The following ANO2 variants were observed in gnomAD, a reference collection of about 807,000 sequenced individuals.
The protein encoded by ANO2 is anoctamin-2.
ANO2 carries 101 observed loss-of-function variants against 124.2 expected under a neutral mutation model. The observed-to-expected ratio is 0.81, with a 90% confidence interval of 0.69 to 0.96. The LOEUF (loss-of-function observed/expected upper bound fraction) is 0.96. Among genes scored for constraint, ANO2 ranks in the 40% least tolerant of loss-of-function variants. The probability of loss-of-function intolerance (pLI) is 0.00; values close to 1 mark genes in which losing one functional copy is unlikely to be tolerated. For missense variants in ANO2, 1,293 were observed against 1,274.5 expected (o/e 1.01, Z -0.22); for synonymous variants, 486 against 482.5 (o/e 1.01, Z -0.09).
In ANO2 at chr12:5,647,741, A is replaced by T. The variant is rs1279171249; in HGVS notation, c.1606T>A (p.Ser536Thr). 6.2e-7 allele frequency: 1 copy of T among 1,609,916 alleles called. No homozygotes were observed. The highest frequency in any genetic ancestry group is 2.2e-5 in the East Asian group (1 of 44,792). Residue 536 changes from serine (S) to threonine (T), a missense_variant, in exon 15 of 25, where the codon TCC (serine) becomes ACC (threonine). Transcript: ENST00000682330. ...RFPGYLMNFA[S>T]ILFMIALTFS... is the part of the protein sequence containing the mutation. ...AAGGAAATTACCATGAATAAGATGGAGGCAAAGTTCATCAGGTAACCTGGG... is the reference window on the plus strand; with the variant it reads ...AAGGAAATTACCATGAATAAGATGGTGGCAAAGTTCATCAGGTAACCTGGG...
At chr12:5,585,327 C>G (rs544212133) in intron 20 of ANO2, among the ~76,000 whole-genome samples, 2 of 152,224 alleles carry the variant, frequency 1.3e-5, no homozygotes, top group South Asian at 2.1e-4. Context: ...CACAATGGAT[C>G]GGGCCTGATT....
intron 3 of ANO2, among the ~76,000 whole-genome samples, chr12:5,910,239 GC>G (rs2136291220): frequency 6.6e-6 from 1 of 152,328 alleles, no homozygotes; most frequent in Non-Finnish European, 1.5e-5. Context: ...GAGTGCAGTG[GC>G]ACAATCTCGG....
chr12:5,790,576 A>G (rs1365126519), intron 10 of ANO2, among the ~76,000 whole-genome samples: 1 of 151,820 alleles, frequency 6.6e-6, no homozygotes, highest in African/African-American at 2.4e-5. Flanking sequence ...CTATGTCGTA[A>G]GTCTCATTTT....
intron 8 of ANO2, among the ~76,000 whole-genome samples, 167 bp downstream of exon 8, chr12:5,807,146 G>C (rs1953222278): frequency 6.6e-6 from 1 of 152,102 alleles, no homozygotes; most frequent in South Asian, 2.1e-4. Context: ...ATCAAACTGG[G>C]GATTATTGTC....
At chr12:5,907,246 C>T (rs551924589) in intron 3 of ANO2, among the ~76,000 whole-genome samples, 1 of 152,266 alleles carries the variant, frequency 6.6e-6, no homozygotes, top group African/African-American at 2.4e-5. Flanking sequence ...ATTGGTTCTC[C>T]ATTTCTGATA....
intron 4 of ANO2, among the ~76,000 whole-genome samples, chr12:5,848,678 G>A (rs929546230): frequency 3.9e-5 from 6 of 152,286 alleles, no homozygotes; most frequent in East Asian, 1.9e-4. Context: ...CCAAGGACCC[G>A]CGCTCTAGGA....
chr12:5,567,607 C>T lies in ANO2; in HGVS notation c.2622-1944G>A, dbSNP rs138854205. Among the ~76,000 whole-genome samples the T allele has an allele frequency of 3.0e-3, 460 of 152,346 alleles. 2 individuals carry two copies. Among genetic ancestry groups the T allele is most frequent in the African/African-American group, 0.011 (444 of 41,584 alleles). ...CTCTTGTTCTCTAGCTGCATCTCTGCAGGAACAGCTGCTCACTGACCTCAG... is the reference window on the plus strand; with the variant it reads ...CTCTTGTTCTCTAGCTGCATCTCTGTAGGAACAGCTGCTCACTGACCTCAG... On this transcript the variant is annotated intron_variant, in intron 23 of 24. Transcript: ENST00000682330.
chr12:5,816,138 T>TTC (rs1224823657), intron 7 of ANO2, among the ~76,000 whole-genome samples: 20 of 144,776 alleles, frequency 1.4e-4, no homozygotes, highest in African/African-American at 1.8e-4. Context: ...TGTTCTCCCT[T>TTC]TCTCTCTCTC....
intron 11 of ANO2, among the ~76,000 whole-genome samples, chr12:5,748,468 T>A (rs924485106): frequency 2.0e-5 from 3 of 152,150 alleles, no homozygotes; most frequent in African/African-American, 7.2e-5. Flanking sequence ...CTCTGCTTAT[T>A]AGAAAAAGCA....
At position 5,837,536 on chromosome 12, in the gene ANO2, T is replaced by TC. The variant is rs1230519764; in HGVS notation, c.634-4934_634-4933insG. Among the ~76,000 whole-genome samples the TC allele has an allele frequency of 8.3e-3, 1,146 of 138,052 alleles. 18 individuals carry two copies. The highest frequency in any genetic ancestry group is 0.028 in the African/African-American group (1,031 of 36,618). 90.6% of individuals were successfully genotyped at this position (138,052 alleles called of 152,430 possible). The stretch of plus-strand genomic sequence containing the variant: ...TGTTCCCTTTCCTGTGTCCATGTGA[T>TC]TCATTGTTCAATTCCCACCTATGAG... On this transcript the variant is annotated intron_variant, in intron 4 of 24. Transcript: ENST00000682330.
At chr12:5,614,531 G>C (rs1297611711) in intron 17 of ANO2, among the ~76,000 whole-genome samples, 1 of 152,158 alleles carries the variant, frequency 6.6e-6, no homozygotes, top group Non-Finnish European at 1.5e-5. Flanking sequence ...ACATCCTGAG[G>C]ACATGGAAGC....
rs191898396 is a variant in ANO2, at chr12:5,912,817, C to A, written c.534+8223G>T. 5.3e-5 allele frequency among the ~76,000 whole-genome samples: 8 copies of A among 152,332 alleles called. No homozygotes were observed. The East Asian group carries it at 1.5e-3, about 29-fold the overall frequency. ...ACAGCCAAAGCCAGAGGGAAATCAT[C>A]GCATCTTCCCCAGTCATTAGTGTGA... On this transcript the variant is annotated intron_variant, in intron 3 of 24. Coordinates refer to ENST00000682330, the MANE Select transcript of ANO2 (RefSeq NM_001364791.2).
intron 19 of ANO2, among the ~76,000 whole-genome samples, chr12:5,611,850 G>C (rs1944562522): frequency 6.6e-6 from 1 of 152,088 alleles, no homozygotes; most frequent in Non-Finnish European, 1.5e-5. Context: ...AGAACCCTGG[G>C]CCTGGAACAA....
At position 5,855,371 on chromosome 12, in the gene ANO2, A is replaced by G. The variant is rs141572346; in HGVS notation, c.535-1230T>C. 8.8e-4 allele frequency among the ~76,000 whole-genome samples: 134 copies of G among 152,356 alleles called. No homozygotes were observed. The East Asian group carries it at 0.024, about 28-fold the overall frequency. On this transcript the variant is annotated intron_variant, in intron 3 of 24. Transcript: ENST00000682330. ...GAAATGATGAACAAAATAAAAAGATATTTTATGGCACTTATTAATGCAAGT... is the reference window on the plus strand; with the variant it reads ...GAAATGATGAACAAAATAAAAAGATGTTTTATGGCACTTATTAATGCAAGT...
intron 20 of ANO2, among the ~76,000 whole-genome samples, chr12:5,591,042 G>A (rs530843416): frequency 4.1e-4 from 63 of 152,258 alleles, no homozygotes; most frequent in African/African-American, 1.3e-3. Context: ...TTAGCAGGGC[G>A]TGACGGGAAT....
At position 5,563,294 on chromosome 12, in the gene ANO2, A is replaced by T; in HGVS notation, c.*5T>A. The T allele has an allele frequency of 6.3e-7, 1 of 1,594,764 alleles. No individual in the cohort carries two copies. Among genetic ancestry groups the T allele is most frequent in the Non-Finnish European group, 8.5e-7 (1 of 1,175,060 alleles). ...CGTGCCCTCCTCTGCTGCAGGCTGA[A>T]CTGCTCACACATTGGTGTGCTGAGA... On this transcript the variant is annotated 3_prime_UTR_variant, in exon 25 of 25. Coordinates refer to ENST00000682330, the MANE Select transcript of ANO2 (RefSeq NM_001364791.2).
intron 16 of ANO2, among the ~76,000 whole-genome samples, chr12:5,617,788 C>T (rs556346663): frequency 7.2e-5 from 11 of 152,346 alleles, no homozygotes; most frequent in Middle Eastern, 3.4e-3. Flanking sequence ...GCTCTCTTTC[C>T]GGAAGCGTTA....
intron 10 of ANO2, among the ~76,000 whole-genome samples, chr12:5,798,460 C>T (rs16933914): frequency 0.039 from 5,933 of 152,202 alleles, 360 homozygotes; most frequent in African/African-American, 0.13. Context: ...GGAATTCCTC[C>T]CTCTAGACTC....
At chr12:5,737,820 G>A (rs549197940) in intron 13 of ANO2, among the ~76,000 whole-genome samples, 4 of 152,020 alleles carry the variant, frequency 2.6e-5, no homozygotes, top group African/African-American at 4.8e-5. Context: ...GAATTTTCCC[G>A]CAAGAAATGC....
Sources: allele counts gnomAD v4.1 joint callset (sites outside exome capture counted in the v4.1 genomes callset), GRCh38; gene constraint gnomAD v4.1.1; transcripts MANE v1.5; gene names NCBI Gene and HGNC (gene_info 2026-07-23, HGNC 2026-07-21).